Variants in MCM3AP observed in about 807,000 individuals in gnomAD.
The protein encoded by MCM3AP is minichromosome maintenance complex component 3 associated protein.
MCM3AP carries 126 observed loss-of-function variants against 184.1 expected under a neutral mutation model. That is an observed-to-expected ratio of 0.68 (90% confidence interval 0.59 to 0.79). MCM3AP has a LOEUF of 0.79. Among genes scored for constraint, MCM3AP ranks in the 30% least tolerant of loss-of-function variants. The pLI is 0.00. For missense variants in MCM3AP, 2,496 were observed against 2,479.2 expected (o/e 1.01, Z -0.14); for synonymous variants, 1,002 against 979.3 (o/e 1.02, Z -0.43).
chr21:46,241,076 G>A (rs1043435749), intron 25 of MCM3AP, 59 bp from the exon 26 acceptor site: 1 of 1,225,740 alleles, frequency 8.2e-7, no homozygotes, highest in Non-Finnish European at 1.2e-6. Context: ...ACAGCATCAT[G>A]TAAAGCATGT....
intron 15 of MCM3AP, among the ~76,000 whole-genome samples, chr21:46,259,835 G>A (rs1203859894): frequency 6.6e-6 from 1 of 151,470 alleles, no homozygotes; most frequent in Non-Finnish European, 1.5e-5. Context: ...AACCCGGGAG[G>A]CGGAGCTTGC....
intron 16 of MCM3AP, among the ~76,000 whole-genome samples, chr21:46,257,578 G>T (rs1377810851): frequency 6.6e-6 from 1 of 151,160 alleles, no homozygotes; most frequent in Non-Finnish European, 1.5e-5. Context: ...AAACGGGTGA[G>T]ATGTCTGTCT....
rs1437791500 is a variant in MCM3AP at position 46,245,085 on chromosome 21, C to T, written c.4760G>A (p.Arg1587His). 11 of 1,614,092 alleles carry T rather than the reference C, an allele frequency of 6.8e-6. No homozygotes were observed. Among genetic ancestry groups the T allele is most frequent in the African/African-American group, 2.7e-5 (2 of 74,938 alleles). ...EDGIGHEFSGRFFHDRRERRL... is the reference protein window; with the variant it reads ...EDGIGHEFSGHFFHDRRERRL... ...CCTCTCTCTTCTGTCATGGAAAAAG[C>T]GGCCACTAAACTCATGGCCAATCCC... The change falls in exon 23 of 28, where the codon CGC (arginine) becomes CAC (histidine). Residue 1587 changes from arginine to histidine, a missense_variant. Around this residue, in one of 5 missense-constraint regions of MCM3AP, gnomAD observed 1,323 missense variants for 1,273.4 expected, o/e 1.04. Transcript: ENST00000291688.
chr21:46,242,981 GTC>G, intron 24 of MCM3AP, 50 bp from the exon 25 acceptor site: 5 of 1,296,894 alleles, frequency 3.9e-6, no homozygotes, highest in African/African-American at 1.9e-5. Flanking sequence ...GGCCAACCCT[GTC>G]TCAAAAAAAA....
chr21:46,284,018 G>A, intron 1 of MCM3AP, 50 bp downstream of exon 1: 1 of 1,570,322 alleles, frequency 6.4e-7, no homozygotes. Context: ...GAAACGTATT[G>A]AAAACCTGCC....
chr21:46,284,284 C>T lies in MCM3AP; in HGVS notation c.1003G>A (p.Gly335Ser). The change falls in exon 1 of 28, where the codon GGT becomes AGT. Residue 335 changes from glycine (G) to serine (S), a missense_variant. This residue lies in a region of MCM3AP where 800 missense variants were observed against 717.1 expected (regional missense o/e 1.12). Transcript: ENST00000291688. The part of the protein sequence containing the change: ...RPVRLNRPRG[G>S]TLFGRTIQDV... ...TGTATCGTCCGACCAAATAAAGTAC[C>T]TCCCCGGGGTCGATTCAGGCGGACA... The T allele has an allele frequency of 2.5e-6, 4 of 1,614,212 alleles. No homozygotes were observed. Among genetic ancestry groups the T allele is most frequent in the Non-Finnish European group, 3.4e-6 (4 of 1,180,036 alleles).
At chr21:46,256,242 T>C (rs889734770) in intron 17 of MCM3AP, among the ~76,000 whole-genome samples, 10 of 151,904 alleles carry the variant, frequency 6.6e-5, no homozygotes, top group Admixed American at 5.9e-4. Context: ...GGCATGGCCC[T>C]GAGGAGCCGG....
chr21:46,251,710 A>C (rs1569060043), intron 19 of MCM3AP, 28 bp from the exon 20 acceptor site: 1 of 1,412,822 alleles, frequency 7.1e-7, no homozygotes, highest in Non-Finnish European at 9.8e-7. Context: ...ACAAAAAACA[A>C]AAAAAACACT....
chr21:46,255,873 G>C (rs937348757), intron 17 of MCM3AP, among the ~76,000 whole-genome samples: 1 of 152,100 alleles, frequency 6.6e-6, no homozygotes, highest in Non-Finnish European at 1.5e-5. Context: ...GACTCCAGGA[G>C]AAGGCCAGGT....
At position 46,280,036 on chromosome 21, in the gene MCM3AP, TG is replaced by T; in HGVS notation, c.1623del (p.Lys542ArgfsTer12). ...EDAPFQHSPL[G>X]KAAGRTGASS... Reference sequence around the variant, plus strand: ...CTAGCACCAGTCCTCCCTGCGGCCTTGCCAAGAGGAGAGTGCTGAAAGGGTG... The same window carrying T: ...CTAGCACCAGTCCTCCCTGCGGCCTTCCAAGAGGAGAGTGCTGAAAGGGTG... On this transcript the variant is annotated frameshift_variant, in exon 4 of 28. Coordinates refer to ENST00000291688, the MANE Select transcript of MCM3AP (RefSeq NM_003906.5). LOFTEE classifies it high-confidence loss of function. The T allele has an allele frequency of 4.3e-6, 7 of 1,614,132 alleles. No homozygotes were observed. The highest frequency in any genetic ancestry group is 5.9e-6 in the Non-Finnish European group (7 of 1,180,004).
chr21:46,254,467 C>T lies in MCM3AP; in HGVS notation c.4061G>A (p.Arg1354Lys), dbSNP rs1405909634. The T allele has an allele frequency of 6.2e-7, 1 of 1,614,184 alleles. No homozygotes were observed. Among genetic ancestry groups the T allele is most frequent in the South Asian group, 1.1e-5 (1 of 91,088 alleles). Residue 1354 changes from arginine to lysine, a missense_variant, in exon 19 of 28, where the codon AGG (arginine) becomes AAG (lysine). Arg to Lys is a conservative substitution (Grantham distance 26, BLOSUM62 2). Coordinates refer to ENST00000291688, the MANE Select transcript of MCM3AP (RefSeq NM_003906.5). Reference sequence around the variant, plus strand: ...CAGCTTCCAAAACACATGCTCCTGCCTCCCAGGGAGGTGCTCAGCCACGAG... The same window carrying T: ...CAGCTTCCAAAACACATGCTCCTGCTTCCCAGGGAGGTGCTCAGCCACGAG... The part of the protein sequence containing the change: ...PSLVAEHLPG[R>K]QEHVFWKLVL...
At chr21:46,261,046 A>T (rs1232650913) in intron 14 of MCM3AP, 140 bp from the exon 15 acceptor site, 1 of 819,184 alleles carries the variant, frequency 1.2e-6, no homozygotes, top group Non-Finnish European at 2.0e-6. Flanking sequence ...AGCTCCCCTG[A>T]CACCACCTCC....
intron 8 of MCM3AP, among the ~76,000 whole-genome samples, chr21:46,272,265 G>C (rs148583860): frequency 7.9e-5 from 12 of 152,306 alleles, no homozygotes; most frequent in African/African-American, 2.6e-4. Context: ...TCACTCACCT[G>C]TCTCATGAGG....
At chr21:46,239,802 C>T (rs1257356516) in intron 26 of MCM3AP, among the ~76,000 whole-genome samples, 1 of 151,652 alleles carries the variant, frequency 6.6e-6, no homozygotes, top group African/African-American at 2.4e-5. Flanking sequence ...AGAATGAATC[C>T]AGGGGGCAGC....
intron 20 of MCM3AP, 136 bp downstream of exon 20, chr21:46,251,393 A>G: frequency 2.9e-6 from 2 of 688,946 alleles, no homozygotes; most frequent in Middle Eastern, 3.4e-4. Context: ...GGACAGACAT[A>G]ATACTTGCTT....
chr21:46,264,002 A>G, intron 13 of MCM3AP, 115 bp downstream of exon 13: 1 of 618,394 alleles, frequency 1.6e-6, no homozygotes, highest in East Asian at 2.7e-5. Flanking sequence ...TCTGGCAATA[A>G]CTTATTGGAT....
chr21:46,241,462 T>C (rs941138408), intron 25 of MCM3AP: 1 of 157,110 alleles, frequency 6.4e-6, no homozygotes, highest in East Asian at 1.9e-4. Flanking sequence ...CATCTGACAT[T>C]TTTTTCTAAA....
At chr21:46,258,780 A>G (rs2145656586) in intron 16 of MCM3AP, 159 bp downstream of exon 16, 2 of 694,488 alleles carry the variant, frequency 2.9e-6, no homozygotes, top group South Asian at 1.5e-5. Context: ...TCTGAAATGC[A>G]GTATAATCCA....
At position 46,285,012 on chromosome 21, in the gene MCM3AP, G is replaced by A. The variant is rs770418339; in HGVS notation, c.275C>T (p.Thr92Ile). 1.2e-5 allele frequency: 19 copies of A among 1,614,096 alleles called. No homozygotes were observed. Among genetic ancestry groups the A allele is most frequent in the South Asian group, 4.4e-5 (4 of 91,092 alleles). The change falls in exon 1 of 28, where the codon ACC (threonine) becomes ATC (isoleucine). Residue 92 changes from threonine to isoleucine, a missense_variant. This residue lies in a region of MCM3AP where 800 missense variants were observed against 717.1 expected (regional missense o/e 1.12). Transcript: ENST00000291688. ...GPFSGLEHTS[T>I]FVATSGPSSS... Reference sequence around the variant, plus strand: ...TGAAGGCCCAGAGGTAGCCACAAAGGTGGAAGTGTGCTCAAGTCCAGAAAA... The same window carrying A: ...TGAAGGCCCAGAGGTAGCCACAAAGATGGAAGTGTGCTCAAGTCCAGAAAA...
Sources: gnomAD v4.1 joint callset for allele counts (sites outside exome capture counted in the v4.1 genomes callset) on GRCh38, gnomAD v4.1.1 for gene constraint, gnomAD v4.1.1 regional missense constraint, MANE v1.5 for transcripts, NCBI Gene and HGNC (gene_info 2026-07-23, HGNC 2026-07-21) for gene names.